ACSM2A: variants seen among roughly 807,000 people sequenced by gnomAD.
ACSM2A encodes acyl-CoA synthetase medium chain family member 2A.
In ACSM2A, 72 loss-of-function variants were observed where a neutral mutation model predicts 76.6. The observed-to-expected ratio is 0.94, with a 90% CI of 0.78 to 1.14. The LOEUF is 1.14. Ranked by LOEUF, ACSM2A falls within the 50% of genes most tolerant of loss-of-function variation. ACSM2A has a pLI of 0.00. For synonymous variants in ACSM2A, 249 were observed against 255.9 expected, an observed-to-expected ratio of 0.97 and a Z score of 0.26; for missense variants, 684 against 708.5, an observed-to-expected ratio of 0.97 and a Z score of 0.39.
rs369987642 is a variant in ACSM2A, at chr16:20,479,761, G to A, written c.1282-812G>A. Reference sequence around the variant, plus strand: ...CAGAAAAGGAAACAGACTCAGAAGCGTCTGTGGGGCAGACTCCTAAGGCCA... The same window carrying A: ...CAGAAAAGGAAACAGACTCAGAAGCATCTGTGGGGCAGACTCCTAAGGCCA... On this transcript the variant is annotated intron_variant, in intron 10 of 13. Coordinates refer to ENST00000573854, the MANE Select transcript of ACSM2A (RefSeq NM_001308172.2). Among the ~76,000 whole-genome samples, 143 of 152,292 alleles carry A rather than the reference G, an allele frequency of 9.4e-4. 1 individual carries two copies. Among genetic ancestry groups the A allele is most frequent in the African/African-American group, 3.0e-3 (126 of 41,546 alleles).
chr16:20,486,162 TTTGTCCATG>T (rs1416997617), intron 13 of ACSM2A, among the ~76,000 whole-genome samples: 1 of 152,210 alleles, frequency 6.6e-6, no homozygotes, highest in Non-Finnish European at 1.5e-5. Context: ...ATAATCTCCT[TTTGTCCATG>T]TAATCACCCA....
rs35225533 is a variant in ACSM2A at position 20,466,820 on chromosome 16, A to C, written c.388+1093A>C. 4.4e-3 allele frequency among the ~76,000 whole-genome samples: 646 copies of C among 146,664 alleles called. 2 individuals carry two copies. Among genetic ancestry groups the C allele is most frequent in the African/African-American group, 0.014 (563 of 41,124 alleles). ...GGTTTACCATAATGATGTAATCTAT[A>C]GGAGAAATTGGGGAGGTTACAAATC... On this transcript the variant is annotated intron_variant, in intron 3 of 13. Transcript: ENST00000573854.
At chr16:20,468,040 A>G (rs1283450351) in intron 3 of ACSM2A, among the ~76,000 whole-genome samples, 1 of 152,142 alleles carries the variant, frequency 6.6e-6, no homozygotes, top group Non-Finnish European at 1.5e-5. Context: ...GCCAGGAATT[A>G]GAAACTATCA....
intron 12 of ACSM2A, chr16:20,482,846 C>T (rs1256440307): frequency 1.6e-6 from 1 of 612,266 alleles, no homozygotes; most frequent in Admixed American, 3.2e-5. Context: ...TAGTCTCAAT[C>T]TTTTGTCCAC....
intron 6 of ACSM2A, among the ~76,000 whole-genome samples, chr16:20,473,678 G>T (rs138561837): frequency 2.0e-5 from 3 of 151,918 alleles, no homozygotes; most frequent in African/African-American, 7.3e-5. Context: ...GCCCCATCCC[G>T]CCAGCCATCT....
chr16:20,454,767 C>G (rs1211805178), intron 1 of ACSM2A, among the ~76,000 whole-genome samples: 4 of 151,682 alleles, frequency 2.6e-5, no homozygotes, highest in Admixed American at 6.6e-5. Flanking sequence ...ACACCTCCCC[C>G]CAAAAATCAC....
intron 4 of ACSM2A, chr16:20,470,812 G>A (rs973716678): frequency 3.1e-6 from 2 of 636,088 alleles, no homozygotes; most frequent in Non-Finnish European, 5.8e-6. Flanking sequence ...CACTTTTTTT[G>A]CAGATATAAA....
intron 4 of ACSM2A, chr16:20,470,734 T>A: frequency 2.0e-6 from 1 of 490,554 alleles, no homozygotes; most frequent in Non-Finnish European, 4.0e-6. Flanking sequence ...GATTAGCATT[T>A]ATTGAGTTCT....
chr16:20,486,250 C>A (rs544068753), intron 13 of ACSM2A, among the ~76,000 whole-genome samples: 1 of 152,222 alleles, frequency 6.6e-6, no homozygotes, highest in African/African-American at 2.4e-5. Flanking sequence ...AAGGACCTGG[C>A]TAAAGCCAGA....
chr16:20,482,265 T>G (rs1162806585), intron 12 of ACSM2A: 1 of 152,136 alleles, frequency 6.6e-6, no homozygotes, highest in Non-Finnish European at 1.5e-5. Flanking sequence ...TCTATCCTGC[T>G]GTTTGGTATT....
chr16:20,463,249 C>T (rs908569912), intron 2 of ACSM2A, among the ~76,000 whole-genome samples: 1 of 151,172 alleles, frequency 6.6e-6, no homozygotes, highest in African/African-American at 2.4e-5. Context: ...AAAGAAATAT[C>T]AGGCAAATCC....
intron 1 of ACSM2A, among the ~76,000 whole-genome samples, chr16:20,456,928 C>G (rs1306532773): frequency 1.4e-5 from 2 of 143,672 alleles, no homozygotes; most frequent in Non-Finnish European, 1.5e-5. Flanking sequence ...AAAAAAAGAA[C>G]AAAGAAAATC....
intron 13 of ACSM2A, among the ~76,000 whole-genome samples, chr16:20,485,231 T>C (rs1836417464): frequency 1.3e-5 from 2 of 152,176 alleles, no homozygotes; most frequent in Admixed American, 1.3e-4. Flanking sequence ...AACTGAATAT[T>C]GTAGAAGGCT....
intron 1 of ACSM2A, 78 bp downstream of exon 1, chr16:20,451,759 G>A (rs1044262513): frequency 6.7e-6 from 1 of 149,818 alleles, no homozygotes; most frequent in Admixed American, 6.7e-5. Context: ...GTCACAGCTG[G>A]TGAGAAGAGC....
Position 20,475,736 on chromosome 16 carries a change from G to T in ACSM2A, c.1061G>T (p.Gly354Val), listed in dbSNP as rs145974879. Residue 354 changes from glycine (G) to valine (V), a missense_variant, in exon 8 of 14, where the codon GGA becomes GTA. Transcript: ENST00000573854. Reference protein sequence around the residue: ...ETLENWRAQTGLDIRESYGQT... With the variant: ...ETLENWRAQTVLDIRESYGQT... ...CTGGAGAACTGGAGGGCCCAGACAG[G>T]ACTGGACATCCGAGAATCCTATGGC... is the stretch of plus-strand genomic sequence containing the variant. The T allele has an allele frequency of 1.5e-5, 25 of 1,613,902 alleles. No homozygotes were observed. In the African/African-American group the frequency reaches 3.3e-4, roughly 22 times the overall value.
intron 3 of ACSM2A, among the ~76,000 whole-genome samples, chr16:20,468,964 A>C (rs1424007328): frequency 6.6e-6 from 1 of 152,234 alleles, no homozygotes; most frequent in East Asian, 1.9e-4. Flanking sequence ...ATTGTCTTCA[A>C]AAATTATAAT....
intron 3 of ACSM2A, among the ~76,000 whole-genome samples, chr16:20,468,949 C>T (rs1685740244): frequency 6.6e-6 from 1 of 152,162 alleles, no homozygotes; most frequent in Non-Finnish European, 1.5e-5. Context: ...ATTTAATCAT[C>T]TCACATTGTC....
rs1350720270 is a variant in ACSM2A at position 20,481,078 on chromosome 16, C to G, written c.1509+157C>G. ...TGTGACCTTGGGCAAGCTACTTGGC[C>G]TCTCTGTTTCTCAGTTTCCCCATCT... On this transcript the variant is annotated intron_variant, in intron 12 of 13. Coordinates refer to ENST00000573854, the MANE Select transcript of ACSM2A (RefSeq NM_001308172.2). 5.6e-6 allele frequency: 5 copies of G among 889,984 alleles called. No individual in the cohort carries two copies. In the Admixed American group the frequency reaches 1.1e-4, roughly 20 times the overall value. 55.1% of individuals were successfully genotyped at this position (889,984 alleles called of 1,614,324 possible).
intron 2 of ACSM2A, among the ~76,000 whole-genome samples, chr16:20,463,433 A>G (rs560400530): frequency 6.6e-6 from 1 of 151,652 alleles, no homozygotes; most frequent in African/African-American, 2.4e-5. Context: ...TCATACGGGC[A>G]GGTCCCACAC....
Sources: gnomAD v4.1 joint callset for allele counts (sites outside exome capture counted in the v4.1 genomes callset) on GRCh38, gnomAD v4.1.1 for gene constraint, MANE v1.5 for transcripts, NCBI Gene and HGNC (gene_info 2026-07-23, HGNC 2026-07-21) for gene names.